Variants in EPX observed in about 807,000 individuals in gnomAD.
The protein encoded by EPX is eosinophil peroxidase.
Under a neutral mutation model 73.0 loss-of-function variants are expected in EPX, and 60 were observed. The ratio of observed to expected loss-of-function variants is 0.82; its 90% CI spans 0.67 to 1.02. EPX has a LOEUF of 1.02. EPX is among the 50% of genes least tolerant of loss of function. The pLI, the probability that EPX is intolerant of heterozygous loss-of-function variation, is 0.00. For missense variants in EPX, 950 were observed against 973.9 expected, an observed-to-expected ratio of 0.98 and a Z score of 0.33; for synonymous variants, 347 against 389.2, an observed-to-expected ratio of 0.89 and a Z score of 1.28.
chr17:58,198,689 A>G (rs1320256701), intron 7 of EPX, among the ~76,000 whole-genome samples: 5 of 152,216 alleles, frequency 3.3e-5, no homozygotes, highest in African/African-American at 4.8e-5. Flanking sequence ...GTGGGCTCTC[A>G]GTCCCAAAGT....
rs1968267904 is a variant in EPX, at chr17:58,197,079, G to A, written c.942G>A (p.Val314=). 6.2e-7 allele frequency: 1 copy of A among 1,614,224 alleles called. No individual in the cohort carries two copies. The highest frequency in any genetic ancestry group is 8.5e-7 in the Non-Finnish European group (1 of 1,180,034). The change falls in exon 7 of 13, where the codon GTG becomes GTA. Residue 314 remains valine (V), a synonymous_variant. Coordinates refer to ENST00000225371, the MANE Select transcript of EPX (RefSeq NM_000502.6). ...CCTCCTTTGTGGACGCCAGCATGGT[G>A]TATGGCAGTGAGGTCTCCCTCTCGC... ...ALTSFVDASM[V]YGSEVSLSLR... is the part of the protein sequence containing the mutation.
At chr17:58,197,322 G>A in intron 7 of EPX, 65 bp downstream of exon 7, 1 of 1,581,010 alleles carries the variant, frequency 6.3e-7, no homozygotes. Context: ...CAACTGGGAA[G>A]CAATGGTGGG....
intron 1 of EPX, 36 bp downstream of exon 1, chr17:58,192,958 G>A (rs1253881245): frequency 6.2e-7 from 1 of 1,604,976 alleles, no homozygotes; most frequent in Non-Finnish European, 8.5e-7. Flanking sequence ...AGGAGGGAGG[G>A]GAAATGGAAG....
intron 2 of EPX, 73 bp downstream of exon 2, chr17:58,193,204 T>C (rs1437448980): frequency 4.7e-6 from 6 of 1,272,706 alleles, no homozygotes; most frequent in Non-Finnish European, 6.9e-6. Flanking sequence ...CAAGTTCATC[T>C]CACTCATCAG....
intron 7 of EPX, 24 bp downstream of exon 7, chr17:58,197,281 T>C (rs1038588974): frequency 6.2e-7 from 1 of 1,607,938 alleles, no homozygotes. Context: ...GAAGGTGGTG[T>C]CTTCCCAGGA....
At chr17:58,196,774 G>C (rs770229513) in intron 6 of EPX, among the ~76,000 whole-genome samples, 165 bp from the exon 7 acceptor site, 9 of 152,168 alleles carry the variant, frequency 5.9e-5, no homozygotes, top group Non-Finnish European at 1.2e-4. Context: ...AAAATGTTAA[G>C]GACACTCAGA....
At chr17:58,193,901 C>T in intron 4 of EPX, 62 bp from the exon 5 acceptor site, 2 of 1,609,700 alleles carry the variant, frequency 1.2e-6, no homozygotes, top group Non-Finnish European at 1.7e-6. Context: ...CCACCCTCTC[C>T]CTCCATGCTG....
rs1254918618 is a variant in EPX at position 58,193,179 on chromosome 17, G to C, written c.170+48G>C. Reference sequence around the variant, plus strand: ...CATGGGCCTGGGAGGATCAGTGAGGGGCATGGGCCCCAGCCAAGTTCATCT... The same window carrying C: ...CATGGGCCTGGGAGGATCAGTGAGGCGCATGGGCCCCAGCCAAGTTCATCT... On this transcript the variant is annotated intron_variant, in intron 2 of 12. Transcript: ENST00000225371. 3.6e-6 allele frequency: 5 copies of C among 1,404,104 alleles called. No homozygotes were observed. In the Admixed American group the frequency reaches 8.4e-5, roughly 24 times the overall value. 87.0% of individuals were successfully genotyped at this position (1,404,104 alleles called of 1,614,324 possible).
At position 58,200,306 on chromosome 17, in the gene EPX, T is replaced by C. The variant is rs1248060636; in HGVS notation, c.1619T>C (p.Leu540Pro). 23 of 1,614,196 alleles carry C rather than the reference T, an allele frequency of 1.4e-5. No individual in the cohort carries two copies. The highest frequency in any genetic ancestry group is 1.9e-5 in the Non-Finnish European group (23 of 1,180,016). Residue 540 changes from leucine to proline, a missense_variant, in exon 10 of 13, where the codon CTC becomes CCC. Physicochemically the swap from Leu to Pro is moderately conservative, Grantham distance 98. Transcript: ENST00000225371. The stretch of plus-strand genomic sequence containing the variant: ...CAGGATGCCATGTTAGTGGATGAGC[T>C]CCGGGACCGGCTGTTTCGGCAAGTG... ...NRQDAMLVDE[L>P]RDRLFRQVRR...
intron 10 of EPX, chr17:58,202,748 G>C (rs1432547779): frequency 2.9e-6 from 1 of 345,064 alleles, no homozygotes; most frequent in Non-Finnish European, 5.5e-6. Flanking sequence ...TATATTCTGG[G>C]TACTGTCTTA....
At position 58,193,044 on chromosome 17, in the gene EPX, C is replaced by T. The variant is rs1968198647; in HGVS notation, c.83C>T (p.Pro28Leu). ...TCCCCATCTCTTTGAACAGCCTCCC[C>T]TGGGGCAGTGGAGACCTCGGTCCTG... is the stretch of plus-strand genomic sequence containing the variant. The part of the protein sequence containing the change: ...QPCEGTDPAS[P>L]GAVETSVLRD... The change falls in exon 2 of 13, where the codon CCT (proline) becomes CTT (leucine). Residue 28 changes from proline to leucine, a missense_variant. Physicochemically the swap from Pro to Leu is moderately conservative, Grantham distance 98. Coordinates refer to ENST00000225371, the MANE Select transcript of EPX (RefSeq NM_000502.6). The T allele has an allele frequency of 1.2e-6, 2 of 1,611,902 alleles. No individual in the cohort carries two copies. Among genetic ancestry groups the T allele is most frequent in the Non-Finnish European group, 1.7e-6 (2 of 1,177,888 alleles).
In EPX at chr17:58,193,753, C is replaced by A. The variant is rs1968213180; in HGVS notation, c.386C>A (p.Ala129Asp). 1.2e-6 allele frequency: 2 copies of A among 1,612,436 alleles called. No homozygotes were observed. The highest frequency in any genetic ancestry group is 1.1e-5 in the South Asian group (1 of 90,980). ...TEPQLRLLSQ[A>D]SGCALRDQAE... ...CCACAGCTGCGGCTGCTGTCCCAGG[C>A]CAGTGGCTGTGCTCTCCGGGACCAG... is the stretch of plus-strand genomic sequence containing the variant. Residue 129 changes from alanine to aspartate, a missense_variant, in exon 4 of 13, where the codon GCC (alanine) becomes GAC (aspartate). Physicochemically the swap from Ala to Asp is moderately radical, Grantham distance 126 (BLOSUM62 -2). Transcript: ENST00000225371.
intron 12 of EPX, 115 bp from the exon 13 acceptor site, chr17:58,204,621 G>A (rs1222678876): frequency 1.7e-6 from 1 of 594,122 alleles, no homozygotes; most frequent in Non-Finnish European, 3.0e-6. Context: ...CTAGGACTTT[G>A]GGGGGAAATT....
rs1234556994 is a variant in EPX at position 58,193,043 on chromosome 17, C to T, written c.82C>T (p.Pro28Ser). ...GTCCCCATCTCTTTGAACAGCCTCC[C>T]CTGGGGCAGTGGAGACCTCGGTCCT... ...QPCEGTDPAS[P>S]GAVETSVLRD... The change falls in exon 2 of 13, where the codon CCT becomes TCT. Residue 28 changes from proline (P) to serine (S), a missense_variant. Transcript: ENST00000225371. The T allele has an allele frequency of 1.9e-6, 3 of 1,609,490 alleles. No homozygotes were observed. The highest frequency in any genetic ancestry group is 2.6e-6 in the Non-Finnish European group (3 of 1,175,822).
At chr17:58,195,575 G>A (rs1266356388) in intron 6 of EPX, among the ~76,000 whole-genome samples, 2 of 152,120 alleles carry the variant, frequency 1.3e-5, no homozygotes, top group Non-Finnish European at 2.9e-5. Context: ...CTGTAAGTAG[G>A]GTCCTAACCT....
intron 6 of EPX, among the ~76,000 whole-genome samples, chr17:58,195,931 CCTCT>C (rs1272911436): frequency 7.3e-6 from 1 of 136,538 alleles, no homozygotes; most frequent in African/African-American, 2.9e-5. Flanking sequence ...CCTCCCCTCT[CCTCT>C]CTCTCCTTCC....
rs1432104455 is a variant in EPX at position 58,199,782 on chromosome 17, A to G, written c.1525A>G (p.Ile509Val). Reference protein sequence around the residue: ...LSSAFFASWRIVYEGGIDPIL... With the variant: ...LSSAFFASWRVVYEGGIDPIL... ...CTCTGCCTTCTTTGCCAGCTGGCGG[A>G]TCGTGTATGAAGGTGACCAGGTTTT... The change falls in exon 9 of 13, where the codon ATC (isoleucine) becomes GTC (valine). Residue 509 changes from isoleucine (I) to valine (V), a missense_variant. Coordinates refer to ENST00000225371, the MANE Select transcript of EPX (RefSeq NM_000502.6). 6.2e-7 allele frequency: 1 copy of G among 1,607,804 alleles called. No individual in the cohort carries two copies.
At chr17:58,203,564 T>A (rs1968372935) in intron 11 of EPX, among the ~76,000 whole-genome samples, 1 of 152,174 alleles carries the variant, frequency 6.6e-6, no homozygotes, top group South Asian at 2.1e-4. Context: ...GCAGCCTCAC[T>A]ATTCTGGGTT....
In EPX at chr17:58,204,740, C is replaced by T; in HGVS notation, c.*16C>T. On this transcript the variant is annotated 3_prime_UTR_variant, in exon 13 of 13. Coordinates refer to ENST00000225371, the MANE Select transcript of EPX (RefSeq NM_000502.6). ...CCAGTTCTGTTACTTCCACAGGAGT[C>T]TATCCCAAGTCTCCAACTTTTGGAG... The T allele has an allele frequency of 2.9e-6, 1 of 347,410 alleles. No individual in the cohort carries two copies. The highest frequency in any genetic ancestry group is 5.4e-6 in the Non-Finnish European group (1 of 183,874). 21.5% of individuals were successfully genotyped at this position (347,410 alleles called of 1,614,324 possible).
Sources: gnomAD v4.1 joint callset for allele counts (sites outside exome capture counted in the v4.1 genomes callset) on GRCh38, gnomAD v4.1.1 for gene constraint, MANE v1.5 for transcripts, NCBI Gene and HGNC (gene_info 2026-07-23, HGNC 2026-07-21) for gene names.